Variants in EXOC7 observed in about 807,000 individuals in gnomAD.
EXOC7 encodes the protein exocyst complex component Exo70.
EXOC7 carries 51 observed loss-of-function variants against 87.6 expected under a neutral mutation model. That is an observed-to-expected ratio of 0.58 (90% CI 0.46 to 0.73). The LOEUF (loss-of-function observed/expected upper bound fraction) is 0.73, where lower values mean the gene tolerates loss of function less well. Ranked by LOEUF, EXOC7 falls within the 30% of genes least tolerant of loss-of-function variation. EXOC7 has a pLI of 0.00. For missense variants in EXOC7, 744 were observed against 888.4 expected, an observed-to-expected ratio of 0.84 and a Z score of 2.07; for synonymous variants, 327 against 357.1, an observed-to-expected ratio of 0.92 and a Z score of 0.95.
At position 76,101,437 on chromosome 17, in the gene EXOC7, C is replaced by T. The variant is rs564992738; in HGVS notation, c.312-61G>A. ...GGGGGATGAAGAAGGACTAAGGACACAGTATTTGGGAAAAAGAAAATTAAT... is the reference window on the plus strand; with the variant it reads ...GGGGGATGAAGAAGGACTAAGGACATAGTATTTGGGAAAAAGAAAATTAAT... On this transcript the variant is annotated intron_variant, in intron 3 of 18. Transcript: ENST00000589210. The T allele has an allele frequency of 4.3e-4, 689 of 1,587,720 alleles. 4 individuals carry two copies. The African/African-American group carries it at 8.2e-3, about 19-fold the overall frequency.
At position 76,081,500 on chromosome 17, in the gene EXOC7, C is replaced by A. The variant is rs771757847; in HGVS notation, c.*2148G>T. On this transcript the variant is annotated 3_prime_UTR_variant, in exon 19 of 19. Coordinates refer to ENST00000589210, the MANE Select transcript of EXOC7 (RefSeq NM_001013839.4). ...CCAGGCCCCATGCCCCCGATGCCCA[C>A]CTCCTTCCCCCCCGCCGGGAAGGCC... The A allele has an allele frequency of 1.9e-6, 3 of 1,610,488 alleles. No homozygotes were observed. Among genetic ancestry groups the A allele is most frequent in the South Asian group, 2.2e-5 (2 of 90,988 alleles).
rs758984424 is a variant in EXOC7 at position 76,088,440 on chromosome 17, G to A, written c.1299+24C>T. ...CTGTGGTGCTGGGCCGGGAGGGAGGGAGAAAGGGGAGGACAGCAGGGACCT... is the reference window on the plus strand; with the variant it reads ...CTGTGGTGCTGGGCCGGGAGGGAGGAAGAAAGGGGAGGACAGCAGGGACCT... On this transcript the variant is annotated intron_variant, in intron 10 of 18. Coordinates refer to ENST00000589210, the MANE Select transcript of EXOC7 (RefSeq NM_001013839.4). The A allele has an allele frequency of 1.0e-5, 16 of 1,607,134 alleles. 1 individual carries two copies. Among genetic ancestry groups the A allele is most frequent in the Middle Eastern group, 1.7e-4 (1 of 5,990 alleles).
intron 5 of EXOC7, among the ~76,000 whole-genome samples, chr17:76,097,175 G>T (rs2067801560): frequency 6.6e-6 from 1 of 152,110 alleles, no homozygotes; most frequent in Admixed American, 6.6e-5. Context: ...GCTCATCTTT[G>T]GCTTATGTAA....
intron 7 of EXOC7, chr17:76,090,701 C>A: frequency 1.7e-6 from 1 of 583,080 alleles, no homozygotes; most frequent in Non-Finnish European, 3.0e-6. Context: ...ATGCTTGGCC[C>A]CAGGGGGGTT....
chr17:76,084,670 G>A (rs1256960624), intron 15 of EXOC7, 90 bp from the exon 16 acceptor site: 1 of 1,142,560 alleles, frequency 8.8e-7, no homozygotes, highest in African/African-American at 1.5e-5. Flanking sequence ...GGATCTACTT[G>A]GTGGGTGGTG....
intron 2 of EXOC7, 116 bp downstream of exon 2, chr17:76,103,245 C>A: frequency 1.1e-6 from 1 of 898,886 alleles, no homozygotes; most frequent in African/African-American, 1.6e-5. Context: ...CCACACACTG[C>A]CTCCGTCGCT....
intron 8 of EXOC7, 47 bp from the exon 9 acceptor site, chr17:76,088,970 C>G (rs2067343827): frequency 6.3e-7 from 1 of 1,592,376 alleles, no homozygotes. Context: ...GCGGTGGGAG[C>G]TAGTTCTGGG....
chr17:76,084,234 G>C lies in EXOC7; in HGVS notation c.1818+14C>G, dbSNP rs1220415268. ...GCAGCAGCAAGCAGTGGAGGGGAGA[G>C]GACCCCGACTCACCTTAAAACGCTC... On this transcript the variant is annotated intron_variant, in intron 17 of 18. Transcript: ENST00000589210. The C allele has an allele frequency of 6.2e-7, 1 of 1,611,014 alleles. No homozygotes were observed. Among genetic ancestry groups the C allele is most frequent in the Non-Finnish European group, 8.5e-7 (1 of 1,177,968 alleles).
At chr17:76,096,511 CAAAAA>C (rs780542530) in intron 5 of EXOC7, among the ~76,000 whole-genome samples, 2 of 70,036 alleles carry the variant, frequency 2.9e-5, no homozygotes, top group Admixed American at 3.4e-4. Flanking sequence ...GACTCTGTCT[CAAAAA>C]AAAAAAAAAA....
rs2067065170 is a variant in EXOC7 at position 76,083,410 on chromosome 17, C to G, written c.*238G>C. 1.9e-6 allele frequency: 1 copy of G among 536,602 alleles called. No homozygotes were observed. Among genetic ancestry groups the G allele is most frequent in the Non-Finnish European group, 3.4e-6 (1 of 297,432 alleles). 33.2% of individuals were successfully genotyped at this position (536,602 alleles called of 1,614,324 possible). A position where few individuals can be genotyped will look rare whatever the true frequency, so the allele number is the denominator to read the frequency against. On this transcript the variant is annotated 3_prime_UTR_variant, in exon 19 of 19. Coordinates refer to ENST00000589210, the MANE Select transcript of EXOC7 (RefSeq NM_001013839.4). ...TCAGAAGCCATCAGGGTCATAAAAG[C>G]CAAGGTGTGGAGGGACCCCAGGCTT... is the stretch of plus-strand genomic sequence containing the variant.
At chr17:76,089,495 G>C in intron 7 of EXOC7, 175 bp from the exon 8 acceptor site, 1 of 747,848 alleles carries the variant, frequency 1.3e-6, no homozygotes, top group African/African-American at 1.8e-5. Context: ...CCAGGTTCGA[G>C]GGGAATAAAA....
chr17:76,091,319 C>T, intron 6 of EXOC7, 84 bp from the exon 7 acceptor site: 2 of 1,115,726 alleles, frequency 1.8e-6, no homozygotes, highest in South Asian at 1.3e-5. Flanking sequence ...CACCTGCCCC[C>T]CAGGCCCCGC....
intron 15 of EXOC7, 190 bp from the exon 16 acceptor site, chr17:76,084,770 C>T: frequency 5.0e-6 from 3 of 600,298 alleles, no homozygotes; most frequent in South Asian, 2.0e-5. Context: ...TTTGAGATAA[C>T]ATTAGGAAAC....
In EXOC7 at chr17:76,085,008, C is replaced by T. The variant is rs142874122; in HGVS notation, c.1712+306G>A. ...GCTCAGCCACGTTCAAGTGCTCTCG[C>T]GACCTTGCTCTTCTCCTAGGTAAAC... On this transcript the variant is annotated intron_variant, in intron 15 of 18. Transcript: ENST00000589210. The T allele has an allele frequency of 3.4e-3, 1,591 of 474,550 alleles. 19 individuals are homozygous for T. Among genetic ancestry groups the T allele is most frequent in the African/African-American group, 0.028 (1,427 of 51,522 alleles). 29.4% of individuals were successfully genotyped at this position (474,550 alleles called of 1,614,324 possible). A position where few individuals can be genotyped will look rare whatever the true frequency, so the allele number is the denominator to read the frequency against.
chr17:76,097,086 G>A (rs1413255341), intron 5 of EXOC7, among the ~76,000 whole-genome samples: 1 of 152,000 alleles, frequency 6.6e-6, no homozygotes, highest in Non-Finnish European at 1.5e-5. Flanking sequence ...GAGCTGAAGC[G>A]ATCCACTCAC....
rs754676259 is a variant in EXOC7 at position 76,083,701 on chromosome 17, C to T, written c.2002G>A (p.Gly668Arg). ...TKNPEKYIKYGVEQVGDMIDR... is the reference protein window; with the variant it reads ...TKNPEKYIKYRVEQVGDMIDR... ...ATCATGTCGCCCACCTGCTCCACCC[C>T]GTACTTGATGTACTTCTCCGGGTTC... The change falls in exon 19 of 19, where the codon GGG (glycine) becomes AGG (arginine). Residue 668 changes from glycine (G) to arginine (R), a missense_variant. This residue lies in a region of EXOC7 where 228 missense variants were observed against 298.6 expected (regional missense o/e 0.76). Transcript: ENST00000589210. The T allele has an allele frequency of 5.6e-6, 9 of 1,613,674 alleles. No individual in the cohort carries two copies. Among genetic ancestry groups the T allele is most frequent in the Admixed American group, 1.7e-5 (1 of 60,006 alleles).
Position 76,082,138 on chromosome 17 carries a change from C to T in EXOC7, c.*1510G>A. ...ACGGAGGTCCAGGTGTGGGTAGAGG[C>T]CCCTTGCATCCACCCTGCTGGCTCT... On this transcript the variant is annotated 3_prime_UTR_variant, in exon 19 of 19. Transcript: ENST00000589210. 4.2e-6 allele frequency: 6 copies of T among 1,420,732 alleles called. No homozygotes were observed. Among genetic ancestry groups the T allele is most frequent in the Non-Finnish European group, 5.7e-6 (6 of 1,057,688 alleles). 88.0% of individuals were successfully genotyped at this position (1,420,732 alleles called of 1,614,324 possible).
At chr17:76,086,278 G>C in intron 12 of EXOC7, 133 bp from the exon 13 acceptor site, 1 of 893,770 alleles carries the variant, frequency 1.1e-6, no homozygotes, top group African/African-American at 1.6e-5. Context: ...CTGGCTGCCT[G>C]CTAAGCCACA....
At chr17:76,089,133 C>T in intron 8 of EXOC7, 42 bp downstream of exon 8, 1 of 1,609,112 alleles carries the variant, frequency 6.2e-7, no homozygotes. Context: ...TGTGACAGCT[C>T]TTGCTGGGGC....
Sources: allele counts gnomAD v4.1 joint callset (sites outside exome capture counted in the v4.1 genomes callset), GRCh38; gene constraint gnomAD v4.1.1; regional missense constraint gnomAD v4.1.1; transcripts MANE v1.5; gene names NCBI Gene and HGNC (gene_info 2026-07-23, HGNC 2026-07-21).